Variants in METAP2 observed in about 807,000 individuals in gnomAD.
METAP2 encodes the protein methionyl aminopeptidase 2, also known as methionine aminopeptidase 2.
In METAP2, 25 loss-of-function variants were observed where a neutral mutation model predicts 59.4. The ratio of observed to expected loss-of-function variants is 0.42; its 90% CI spans 0.31 to 0.59. The LOEUF (loss-of-function observed/expected upper bound fraction) is 0.59. Among genes scored for constraint, METAP2 ranks in the 20% least tolerant of loss-of-function variants. The pLI, the probability that METAP2 is intolerant of heterozygous loss-of-function variation, is 0.16. For synonymous variants in METAP2, 214 were observed against 194.1 expected (o/e 1.10, Z -0.85); for missense variants, 366 against 581.2 (o/e 0.63, Z 3.81).
In METAP2 at chr12:95,483,213, AGATGGAGATGGC is replaced by A. The variant is rs749425528; in HGVS notation, c.270_281del (p.Asp91_Gly94del). On this transcript the variant is annotated splice_acceptor_variant and coding_sequence_variant, in exon 3 of 11. Transcript: ENST00000323666. LOFTEE classifies it high-confidence loss of function. ...ACATGTACTTGAAATGTCTTTTCTT[AGATGGAGATGGC>A]GATGGAGATGGAGCAACTGGAAAGA... 85 of 1,610,948 alleles carry A rather than the reference AGATGGAGATGGC, an allele frequency of 5.3e-5. 1 individual carries two copies. Among genetic ancestry groups the A allele is most frequent in the Admixed American group, 1.0e-4 (6 of 60,018 alleles).
rs201903824 is a variant in METAP2, at chr12:95,495,089, A to T, written c.723A>T (p.Val241=). 6 of 1,613,556 alleles carry T rather than the reference A, an allele frequency of 3.7e-6. No homozygotes were observed. The East Asian group carries it at 1.3e-4, about 36-fold the overall frequency. The change falls in exon 6 of 11, where the codon GTA becomes GTT. Residue 241 remains valine (V), a synonymous_variant. Transcript: ENST00000323666. The part of the protein sequence containing the change: ...HYTPNAGDTT[V]LQYDDICKID... The stretch of plus-strand genomic sequence containing the variant: ...CTCCCAATGCCGGTGACACAACAGT[A>T]TTACAGTATGATGACATCTGTAAAA...
intron 8 of METAP2, among the ~76,000 whole-genome samples, chr12:95,507,837 T>C (rs1437058069): frequency 3.3e-5 from 5 of 151,254 alleles, no homozygotes; most frequent in African/African-American, 4.9e-5. Flanking sequence ...AGTACAATGG[T>C]GCGCGATCTC....
chr12:95,492,357 A>C (rs1380304941), intron 4 of METAP2, among the ~76,000 whole-genome samples: 1 of 152,168 alleles, frequency 6.6e-6, no homozygotes, highest in Non-Finnish European at 1.5e-5. Flanking sequence ...ATATAGGAAA[A>C]TAATACTCTT....
rs60788079 is a variant in METAP2, at chr12:95,513,090, T to TACACACACACACAC, written c.1184+204_1184+217dup. On this transcript the variant is annotated intron_variant, in intron 10 of 10. Transcript: ENST00000323666. ...TAAACATTTTAACTGAGATAAAAAT[T>TACACACACACACAC]ACACACACACACACACACACACACA... 2.7e-3 allele frequency among the ~76,000 whole-genome samples: 372 copies of TACACACACACACAC among 136,166 alleles called. 4 individuals are homozygous for TACACACACACACAC. Among genetic ancestry groups the TACACACACACACAC allele is most frequent in the Admixed American group, 0.016 (212 of 12,998 alleles). 89.3% of individuals were successfully genotyped at this position (136,166 alleles called of 152,430 possible).
chr12:95,499,492 G>C (rs1262452537), intron 7 of METAP2, among the ~76,000 whole-genome samples: 1 of 151,362 alleles, frequency 6.6e-6, no homozygotes, highest in East Asian at 1.9e-4. Flanking sequence ...AAATTGAGAA[G>C]TGTAAATTCT....
At chr12:95,493,546 T>G (rs1481049400) in intron 4 of METAP2, among the ~76,000 whole-genome samples, 2 of 152,232 alleles carry the variant, frequency 1.3e-5, no homozygotes, top group African/African-American at 4.8e-5. Context: ...ATACCTCTTA[T>G]ATTTATGTAT....
At chr12:95,504,205 A>G (rs1479039982) in intron 8 of METAP2, 44 bp downstream of exon 8, 4 of 1,359,434 alleles carry the variant, frequency 2.9e-6, no homozygotes, top group Admixed American at 1.8e-5. Flanking sequence ...TTGATTTTAC[A>G]AACTATTGTC....
chr12:95,476,907 T>C (rs1002964772), intron 2 of METAP2, among the ~76,000 whole-genome samples: 8 of 152,172 alleles, frequency 5.3e-5, no homozygotes, highest in Non-Finnish European at 1.2e-4. Context: ...ATCCATTTTG[T>C]TTTTTGGTAA....
chr12:95,487,795 A>G (rs1375102798), intron 4 of METAP2, among the ~76,000 whole-genome samples: 1 of 152,156 alleles, frequency 6.6e-6, no homozygotes, highest in Non-Finnish European at 1.5e-5. Context: ...ATTCAGTGCT[A>G]ACTCTTGGAA....
chr12:95,484,582 CTG>C, intron 3 of METAP2, among the ~76,000 whole-genome samples: 1 of 151,646 alleles, frequency 6.6e-6, no homozygotes. Context: ...TGTTAGAGGA[CTG>C]TTTTATATTT....
chr12:95,505,272 C>T (rs749715820), intron 8 of METAP2, among the ~76,000 whole-genome samples: 9 of 152,200 alleles, frequency 5.9e-5, no homozygotes, highest in Non-Finnish European at 1.2e-4. Context: ...TCTATATAGA[C>T]AGTTACCACC....
rs116862970 is a variant in METAP2 at position 95,475,654 on chromosome 12, C to T, written c.152-417C>T. ...TTTGCCTATTTATTTTGACTTTACCCAGCCCATCGTGATATCCTTATTCAT... is the reference window on the plus strand; with the variant it reads ...TTTGCCTATTTATTTTGACTTTACCTAGCCCATCGTGATATCCTTATTCAT... On this transcript the variant is annotated intron_variant, in intron 1 of 10. Coordinates refer to ENST00000323666, the MANE Select transcript of METAP2 (RefSeq NM_006838.4). Among the ~76,000 whole-genome samples the T allele has an allele frequency of 8.7e-4, 133 of 152,280 alleles. 1 individual carries two copies. The East Asian group carries it at 0.025, about 29-fold the overall frequency.
chr12:95,488,132 G>A (rs977922419), intron 4 of METAP2, among the ~76,000 whole-genome samples: 72 of 151,994 alleles, frequency 4.7e-4, no homozygotes, highest in African/African-American at 1.6e-3. Flanking sequence ...TCTTTTGATC[G>A]TAGGCTTTAT....
chr12:95,499,207 T>C (rs528179580), intron 7 of METAP2, among the ~76,000 whole-genome samples: 49 of 152,280 alleles, frequency 3.2e-4, no homozygotes, highest in African/African-American at 1.1e-3. Context: ...AGTGGTGTGA[T>C]CTTGGCTCGC....
chr12:95,485,077 G>T (rs150490633), intron 3 of METAP2, among the ~76,000 whole-genome samples: 1 of 152,270 alleles, frequency 6.6e-6, no homozygotes, highest in East Asian at 1.9e-4. Flanking sequence ...CCATAGTACA[G>T]ATTATTACAG....
At chr12:95,475,539 C>G (rs189236289) in intron 1 of METAP2, among the ~76,000 whole-genome samples, 23 of 152,290 alleles carry the variant, frequency 1.5e-4, no homozygotes, top group African/African-American at 5.3e-4. Context: ...ACATATTGCT[C>G]TTATAGGTAG....
At chr12:95,503,429 A>G (rs1368253961) in intron 7 of METAP2, among the ~76,000 whole-genome samples, 2 of 152,174 alleles carry the variant, frequency 1.3e-5, no homozygotes, top group African/African-American at 4.8e-5. Context: ...ACGGGAGGCC[A>G]TGCTGAGTGT....
intron 7 of METAP2, among the ~76,000 whole-genome samples, chr12:95,501,250 A>G (rs1317242394): frequency 2.0e-5 from 3 of 151,930 alleles, no homozygotes; most frequent in Non-Finnish European, 4.4e-5. Context: ...CTGGTCTGGA[A>G]CTCCTGGTCA....
In METAP2 at chr12:95,504,107, A is replaced by G; in HGVS notation, c.910A>G (p.Ile304Val). 1.2e-6 allele frequency: 2 copies of G among 1,613,972 alleles called. No homozygotes were observed. Among genetic ancestry groups the G allele is most frequent in the South Asian group, 1.1e-5 (1 of 91,070 alleles). The change falls in exon 8 of 11, where the codon ATC becomes GTC. Residue 304 changes from isoleucine to valine, a missense_variant. Coordinates refer to ENST00000323666, the MANE Select transcript of METAP2 (RefSeq NM_006838.4). Reference sequence around the variant, plus strand: ...TCGTCTGTGTGATGTTGGTGAGGCCATCCAAGAAGTTATGGAGTCCTATGA... The same window carrying G: ...TCGTCTGTGTGATGTTGGTGAGGCCGTCCAAGAAGTTATGGAGTCCTATGA... ...DVRLCDVGEA[I>V]QEVMESYEVE...
Sources: allele counts gnomAD v4.1 joint callset (sites outside exome capture counted in the v4.1 genomes callset), GRCh38; gene constraint gnomAD v4.1.1; transcripts MANE v1.5; gene names NCBI Gene and HGNC (gene_info 2026-07-23, HGNC 2026-07-21).